The following SLC37A1 variants were observed in gnomAD, a reference collection of about 807,000 sequenced individuals.
SLC37A1 encodes the protein glucose-6-phosphate exchanger SLC37A1.
In SLC37A1, 49 loss-of-function variants were observed where a neutral mutation model predicts 75.3. The observed-to-expected ratio is 0.65, with a 90% CI of 0.52 to 0.83. The LOEUF (loss-of-function observed/expected upper bound fraction) is 0.83. SLC37A1 is among the 40% of genes least tolerant of loss of function. The pLI is 0.00. For synonymous variants in SLC37A1, 268 were observed against 292.1 expected, an observed-to-expected ratio of 0.92 and a Z score of 0.84; for missense variants, 566 against 695.0, an observed-to-expected ratio of 0.81 and a Z score of 2.09.
chr21:42,565,216 C>CA (rs1170895019), intron 14 of SLC37A1, among the ~76,000 whole-genome samples: 1 of 152,258 alleles, frequency 6.6e-6, no homozygotes, highest in African/African-American at 2.4e-5. Context: ...CCAGTTCCCT[C>CA]ATCTGGAAAA....
intron 1 of SLC37A1, among the ~76,000 whole-genome samples, chr21:42,516,076 C>G (rs1034717221): frequency 1.3e-5 from 2 of 152,194 alleles, no homozygotes; most frequent in Admixed American, 6.5e-5. Flanking sequence ...CTGTGTTTGA[C>G]AGTGCAATGA....
rs146442647 is a variant in SLC37A1, at chr21:42,552,072, C to T, written c.769-1990C>T. On this transcript the variant is annotated intron_variant, in intron 9 of 19. Transcript: ENST00000352133. This position sits in a 1 kb window ranked among gnomAD's most constrained non-coding sequence, Gnocchi z 4.2. The stretch of plus-strand genomic sequence containing the variant: ...CACAATTAATATGAAAGAGAGTATT[C>T]AATTCTTTACCATTTGCCTTGAGTC... Among the ~76,000 whole-genome samples the T allele has an allele frequency of 6.6e-6, 1 of 152,098 alleles. No individual in the cohort carries two copies. The highest frequency in any genetic ancestry group is 1.5e-5 in the Non-Finnish European group (1 of 68,034).
At chr21:42,539,217 G>A (rs1047180942) in intron 5 of SLC37A1, among the ~76,000 whole-genome samples, 3 of 152,192 alleles carry the variant, frequency 2.0e-5, no homozygotes, top group Non-Finnish European at 4.4e-5. Context: ...ACGAGTTCCT[G>A]TTTCCTTTCA....
intron 18 of SLC37A1, among the ~76,000 whole-genome samples, chr21:42,576,271 T>C (rs1038111570): frequency 1.3e-5 from 2 of 151,742 alleles, no homozygotes; most frequent in Non-Finnish European, 2.9e-5. Context: ...AGGAAGACAA[T>C]GGGAATCTGC....
At chr21:42,541,889 G>A (rs2055291713) in intron 6 of SLC37A1, among the ~76,000 whole-genome samples, 1 of 152,102 alleles carries the variant, frequency 6.6e-6, no homozygotes. Context: ...CCACAGGTGT[G>A]CACCACCACA....
At chr21:42,566,917 G>T in intron 15 of SLC37A1, 68 bp from the exon 16 acceptor site, 1 of 1,526,232 alleles carries the variant, frequency 6.6e-7, no homozygotes, top group Non-Finnish European at 8.9e-7. Context: ...CCCACCTCAG[G>T]CTGCTCCTAT....
chr21:42,533,847 G>A (rs1007780762), intron 3 of SLC37A1, among the ~76,000 whole-genome samples: 2 of 152,158 alleles, frequency 1.3e-5, no homozygotes, highest in Admixed American at 1.3e-4. Context: ...CAAACTCCAG[G>A]GCGATGGCTT....
chr21:42,559,561 G>A (rs993400804), intron 11 of SLC37A1, among the ~76,000 whole-genome samples: 38 of 152,228 alleles, frequency 2.5e-4, no homozygotes, highest in African/African-American at 8.7e-4. Flanking sequence ...TCGCGAGCCC[G>A]GCTGGATTCT....
intron 10 of SLC37A1, among the ~76,000 whole-genome samples, chr21:42,557,631 G>A (rs991439370): frequency 6.6e-6 from 1 of 152,226 alleles, no homozygotes; most frequent in African/African-American, 2.4e-5. Context: ...GTAGACGCTG[G>A]GCTGCCCCCA....
rs1214922587 is a variant in SLC37A1, at chr21:42,545,915, C to T, written c.731-1188C>T. 6.6e-6 allele frequency among the ~76,000 whole-genome samples: 1 copy of T among 152,246 alleles called. No individual in the cohort carries two copies. The highest frequency in any genetic ancestry group is 2.4e-5 in the African/African-American group (1 of 41,466). On this transcript the variant is annotated intron_variant, in intron 8 of 19. Transcript: ENST00000352133. The surrounding 1 kb of genome is among the most constrained non-coding windows in gnomAD (Gnocchi z 4.0). ...CTGGGTGCAGACCCACCTGGCCCTACGGCATGTTGATAATAACCTTATCAA... is the reference window on the plus strand; with the variant it reads ...CTGGGTGCAGACCCACCTGGCCCTATGGCATGTTGATAATAACCTTATCAA...
intron 15 of SLC37A1, 111 bp downstream of exon 15, chr21:42,565,986 C>A: frequency 8.9e-7 from 1 of 1,121,386 alleles, no homozygotes; most frequent in Non-Finnish European, 1.3e-6. Flanking sequence ...TTAACTGGAG[C>A]ACATGGTGTG....
intron 10 of SLC37A1, among the ~76,000 whole-genome samples, chr21:42,556,565 A>G (rs1419810796): frequency 6.6e-6 from 1 of 152,142 alleles, no homozygotes; most frequent in African/African-American, 2.4e-5. Flanking sequence ...TAGTAGAGGG[A>G]ACCCTTTTCT....
chr21:42,563,747 C>T, intron 12 of SLC37A1, 68 bp from the exon 13 acceptor site: 1 of 1,484,150 alleles, frequency 6.7e-7, no homozygotes, highest in African/African-American at 1.4e-5. Context: ...TCCTGTTCTG[C>T]CATGGTGTGT....
At chr21:42,513,600 C>T (rs189708355), upstream of SLC37A1, among the ~76,000 whole-genome samples, 2 of 151,832 alleles carry the variant, frequency 1.3e-5, no homozygotes, top group African/African-American at 4.8e-5. Flanking sequence ...AGCGAAAGCC[C>T]GTGCGCCCTC....
chr21:42,544,783 G>A (rs2055365451), intron 8 of SLC37A1, among the ~76,000 whole-genome samples: 1 of 152,190 alleles, frequency 6.6e-6, no homozygotes, highest in South Asian at 2.1e-4. Context: ...TCCACCACCT[G>A]TTTTCTTCCG....
At chr21:42,535,417 A>C in intron 4 of SLC37A1, 55 bp from the exon 5 acceptor site, 2 of 1,471,556 alleles carry the variant, frequency 1.4e-6, no homozygotes, top group Non-Finnish European at 1.9e-6. Flanking sequence ...GCCGTGCTCT[A>C]GAACATAAAC....
chr21:42,503,343 A>T (rs2054357556), intron 2 of SLC37A1, among the ~76,000 whole-genome samples: 1 of 144,306 alleles, frequency 6.9e-6, no homozygotes, highest in East Asian at 2.0e-4. Context: ...TAGACCTCCC[A>T]GGTTCACGTG....
At position 42,567,058 on chromosome 21, in the gene SLC37A1, G is replaced by T. The variant is rs368508284; in HGVS notation, c.1344G>T (p.Leu448=). ...TCACCACCGCCGTCTCCGCCGACCTGGTGAGTAGAACCGGGAGAGACACCA... is the reference window on the plus strand; with the variant it reads ...TCACCACCGCCGTCTCCGCCGACCTTGTGAGTAGAACCGGGAGAGACACCA... The part of the protein sequence containing the change: ...TLITTAVSAD[L]GTHKSLKGNA... Residue 448 remains leucine (L), a splice_region_variant and synonymous_variant, in exon 16 of 20, where the codon CTG becomes CTT. Transcript: ENST00000352133. 5.9e-5 allele frequency: 95 copies of T among 1,609,112 alleles called. No individual in the cohort carries two copies. Among genetic ancestry groups the T allele is most frequent in the Non-Finnish European group, 7.7e-5 (91 of 1,179,862 alleles).
chr21:42,536,969 A>C (rs1464559037), intron 5 of SLC37A1, among the ~76,000 whole-genome samples: 5 of 152,336 alleles, frequency 3.3e-5, no homozygotes, highest in Admixed American at 3.3e-4. Flanking sequence ...ATGTGGTCCC[A>C]AGAGGCTTTT....
Sources: allele counts gnomAD v4.1 joint callset (sites outside exome capture counted in the v4.1 genomes callset), GRCh38; gene constraint gnomAD v4.1.1; non-coding constraint Gnocchi (gnomAD v3.1); transcripts MANE v1.5; gene names NCBI Gene and HGNC (gene_info 2026-07-23, HGNC 2026-07-21).